Variants in PARD3B observed in about 807,000 individuals in gnomAD.
PARD3B encodes par-3 family cell polarity regulator beta.
PARD3B carries 103 observed loss-of-function variants against 130.2 expected under a neutral mutation model. The ratio of observed to expected loss-of-function variants is 0.79; its 90% CI spans 0.67 to 0.93. The LOEUF is 0.93. Among genes scored for constraint, PARD3B ranks in the 40% least tolerant of loss-of-function variants. The probability of loss-of-function intolerance (pLI) is 0.00; values close to 1 mark genes in which losing one functional copy is unlikely to be tolerated. For synonymous variants in PARD3B, 583 were observed against 553.2 expected (o/e 1.05, Z -0.76); for missense variants, 1,609 against 1,499.2 (o/e 1.07, Z -1.21).
intron 3 of PARD3B, among the ~76,000 whole-genome samples, chr2:205,034,884 T>C (rs985714509): frequency 1.3e-5 from 2 of 152,266 alleles, no homozygotes; most frequent in South Asian, 2.1e-4. Context: ...TGAGATGAAA[T>C]CTTGCTCTGT....
rs115063699 is a variant in PARD3B, at chr2:205,147,208, T to A, written c.1435-11514T>A. Among the ~76,000 whole-genome samples the A allele has an allele frequency of 3.7e-3, 562 of 152,278 alleles. 5 individuals carry two copies. The highest frequency in any genetic ancestry group is 0.013 in the African/African-American group (525 of 41,570). ...ATTGTCTGAATTATAAAATTTCTAT[T>A]TGTTATTTTTCATGACACAAAATAT... On this transcript the variant is annotated intron_variant, in intron 10 of 22. Transcript: ENST00000406610.
At chr2:204,877,009 T>A (rs894671950) in intron 2 of PARD3B, among the ~76,000 whole-genome samples, 2 of 152,082 alleles carry the variant, frequency 1.3e-5, no homozygotes, top group African/African-American at 4.8e-5. Context: ...ACACTCTAGA[T>A]CCCTGAGGAA....
intron 21 of PARD3B, among the ~76,000 whole-genome samples, chr2:205,548,434 T>G (rs2052472225): frequency 1.3e-5 from 2 of 152,108 alleles, no homozygotes; most frequent in South Asian, 4.1e-4. Context: ...TTTTGGTGAG[T>G]ATTACCAAAA....
chr2:205,415,647 T>C (rs2046748698), intron 19 of PARD3B, among the ~76,000 whole-genome samples: 1 of 152,132 alleles, frequency 6.6e-6, no homozygotes, highest in Non-Finnish European at 1.5e-5. Context: ...ATTGATCAAT[T>C]TGAAATAACC....
chr2:205,467,444 A>T (rs141919821), intron 20 of PARD3B, among the ~76,000 whole-genome samples: 157 of 152,370 alleles, frequency 1.0e-3, no homozygotes, highest in African/African-American at 3.7e-3. Context: ...TCCAATAGAG[A>T]TATAATACAA....
At chr2:205,505,044 G>T (rs1425820057) in intron 21 of PARD3B, among the ~76,000 whole-genome samples, 1 of 152,196 alleles carries the variant, frequency 6.6e-6, no homozygotes, top group South Asian at 2.1e-4. Flanking sequence ...TATACACCAT[G>T]GAAAACTATG....
chr2:205,540,404 T>C (rs960754542), intron 21 of PARD3B, among the ~76,000 whole-genome samples: 1 of 152,202 alleles, frequency 6.6e-6, no homozygotes, highest in African/African-American at 2.4e-5. Context: ...AAAAATACTC[T>C]CTTTTCACAT....
At chr2:205,172,169 A>G (rs1317716015) in intron 11 of PARD3B, 42 bp from the exon 12 acceptor site, 2 of 1,594,728 alleles carry the variant, frequency 1.3e-6, no homozygotes, top group Non-Finnish European at 1.7e-6. Flanking sequence ...TCATCACCAT[A>G]CTTTTCTCTG....
chr2:204,988,799 A>T (rs548321445), intron 3 of PARD3B, among the ~76,000 whole-genome samples: 1 of 152,212 alleles, frequency 6.6e-6, no homozygotes, highest in African/African-American at 2.4e-5. Context: ...AAATGAGAGA[A>T]ATTTACAAGA....
intron 16 of PARD3B, among the ~76,000 whole-genome samples, chr2:205,299,853 C>T (rs986872844): frequency 4.6e-5 from 7 of 152,134 alleles, no homozygotes; most frequent in East Asian, 1.9e-4. Flanking sequence ...ACTATAGCAT[C>T]GACACAGAAA....
At chr2:205,490,478 G>A (rs1438174633) in intron 20 of PARD3B, among the ~76,000 whole-genome samples, 1 of 152,148 alleles carries the variant, frequency 6.6e-6, no homozygotes, top group Non-Finnish European at 1.5e-5. Flanking sequence ...ATTCTGTGGT[G>A]TATATGTGCC....
intron 2 of PARD3B, among the ~76,000 whole-genome samples, chr2:204,696,159 G>T (rs886457052): frequency 1.3e-5 from 2 of 151,788 alleles, no homozygotes; most frequent in Admixed American, 6.6e-5. Context: ...ATCGGGGGAG[G>T]TATCTCTATC....
chr2:204,638,537 G>A (rs538301365), intron 1 of PARD3B, among the ~76,000 whole-genome samples: 1 of 152,140 alleles, frequency 6.6e-6, no homozygotes, highest in South Asian at 2.1e-4. Context: ...GAGTAAACTG[G>A]ACTTCGGAAT....
intron 5 of PARD3B, among the ~76,000 whole-genome samples, chr2:205,111,469 T>C (rs916890736): frequency 6.6e-6 from 1 of 152,008 alleles, no homozygotes; most frequent in African/African-American, 2.4e-5. Flanking sequence ...CTTAAGTGAA[T>C]GTAAAAACAC....
intron 18 of PARD3B, among the ~76,000 whole-genome samples, chr2:205,389,421 G>A (rs1160462266): frequency 2.6e-5 from 4 of 152,250 alleles, no homozygotes; most frequent in Non-Finnish European, 2.9e-5. Context: ...GGAGTGCAAT[G>A]ACGCTATGTC....
At chr2:205,297,297 A>T (rs1160811090) in intron 16 of PARD3B, among the ~76,000 whole-genome samples, 1 of 152,184 alleles carries the variant, frequency 6.6e-6, no homozygotes, top group Non-Finnish European at 1.5e-5. Context: ...GATTTTTGTA[A>T]ATGGTGAGGC....
chr2:205,086,947 C>T (rs1701777681), intron 4 of PARD3B, among the ~76,000 whole-genome samples: 1 of 152,222 alleles, frequency 6.6e-6, no homozygotes, highest in African/African-American at 2.4e-5. Flanking sequence ...GTTGTAAATA[C>T]AGCAGATAAT....
At chr2:204,796,408 C>T (rs564650652) in intron 2 of PARD3B, among the ~76,000 whole-genome samples, 2 of 152,208 alleles carry the variant, frequency 1.3e-5, no homozygotes, top group African/African-American at 4.8e-5. Flanking sequence ...TCAGAAAGCT[C>T]GCAGTCCTCC....
intron 2 of PARD3B, among the ~76,000 whole-genome samples, chr2:204,910,444 A>C (rs901356937): frequency 3.9e-5 from 6 of 152,158 alleles, no homozygotes; most frequent in African/African-American, 1.4e-4. Flanking sequence ...ATATATTTTG[A>C]TTCTGTACTT....
Sources: allele counts gnomAD v4.1 joint callset (sites outside exome capture counted in the v4.1 genomes callset), GRCh38; gene constraint gnomAD v4.1.1; transcripts MANE v1.5; gene names NCBI Gene and HGNC (gene_info 2026-07-23, HGNC 2026-07-21).